PDE11A: variants seen among roughly 807,000 people sequenced by gnomAD.
The protein encoded by PDE11A is phosphodiesterase 11A, also known as dual 3',5'-cyclic-AMP and -GMP phosphodiesterase 11A.
A neutral mutation model predicts 100.5 loss-of-function variants in PDE11A; 100 were observed. The observed-to-expected ratio is 1.00, with a 90% confidence interval of 0.85 to 1.18. PDE11A has a LOEUF of 1.18. Ranked by LOEUF, PDE11A falls within the 50% of genes most tolerant of loss-of-function variation. PDE11A has a pLI of 0.00. For synonymous variants in PDE11A, 381 were observed against 420.8 expected (o/e 0.91, Z 1.16); for missense variants, 1,141 against 1,152.6 (o/e 0.99, Z 0.15).
chr2:177,793,644 C>T (rs773792412), intron 9 of PDE11A, among the ~76,000 whole-genome samples: 2 of 151,758 alleles, frequency 1.3e-5, no homozygotes, highest in Non-Finnish European at 2.9e-5. Flanking sequence ...AGCCATACAC[C>T]AGAGACCATC....
chr2:177,933,566 A>G (rs919826413), intron 2 of PDE11A, among the ~76,000 whole-genome samples: 1 of 152,148 alleles, frequency 6.6e-6, no homozygotes, highest in Non-Finnish European at 1.5e-5. Flanking sequence ...CTATAGTCTC[A>G]GCTACTCCAG....
chr2:178,067,992 T>G (rs1308797339), intron 1 of PDE11A, among the ~76,000 whole-genome samples: 1 of 152,176 alleles, frequency 6.6e-6, no homozygotes, highest in Non-Finnish European at 1.5e-5. Context: ...ACACCTGTAT[T>G]ATCATTATCA....
chr2:177,768,890 A>G (rs1482888241), intron 10 of PDE11A, among the ~76,000 whole-genome samples: 1 of 152,152 alleles, frequency 6.6e-6, no homozygotes. Flanking sequence ...TGCAGGTAAA[A>G]CGCTTGGTAG....
In PDE11A at chr2:178,071,669, A is replaced by G; in HGVS notation, c.769T>C (p.Phe257Leu). ...AAGKKTLVSK[F>L]FDVHAGTPLL... is the part of the protein sequence containing the mutation. ...GGTGTTCCTGCATGCACATCAAAGA[A>G]TTTGGAGACCAAGGTCTTCTTGCCA... Residue 257 changes from phenylalanine (F) to leucine (L), a missense_variant, in exon 1 of 20, where the codon TTC becomes CTC. Phe to Leu is a conservative substitution (Grantham distance 22, BLOSUM62 0). Coordinates refer to ENST00000286063, the MANE Select transcript of PDE11A (RefSeq NM_016953.4). 1.2e-6 allele frequency: 2 copies of G among 1,613,598 alleles called. No individual in the cohort carries two copies. The highest frequency in any genetic ancestry group is 1.7e-6 in the Non-Finnish European group (2 of 1,179,502).
At chr2:177,997,711 C>T (rs764885459) in intron 2 of PDE11A, 9 of 1,551,154 alleles carry the variant, frequency 5.8e-6, no homozygotes, top group Non-Finnish European at 6.2e-6. Flanking sequence ...AAGTTTTTGG[C>T]CCAACTGGTG....
chr2:177,939,410 G>GGGAAGGAAGAA (rs2085317193), intron 2 of PDE11A, among the ~76,000 whole-genome samples: 1 of 141,768 alleles, frequency 7.1e-6, no homozygotes, highest in Non-Finnish European at 1.5e-5. Context: ...GAGGGAAGGA[G>GGGAAGGAAGAA]GGAAGGAAGA....
intron 10 of PDE11A, among the ~76,000 whole-genome samples, chr2:177,757,841 G>T (rs528458975): frequency 6.6e-6 from 1 of 152,090 alleles, no homozygotes; most frequent in Non-Finnish European, 1.5e-5. Flanking sequence ...TTATAGAAAC[G>T]ATTCTAGAGT....
chr2:177,962,438 T>C (rs1378666108), intron 2 of PDE11A, among the ~76,000 whole-genome samples: 1 of 152,114 alleles, frequency 6.6e-6, no homozygotes, highest in African/African-American at 2.4e-5. Context: ...TGAATTTATA[T>C]AGTATACTAT....
At chr2:177,803,535 T>C (rs976964066) in intron 9 of PDE11A, among the ~76,000 whole-genome samples, 2 of 151,860 alleles carry the variant, frequency 1.3e-5, no homozygotes, top group African/African-American at 4.8e-5. Context: ...CTGATGAACA[T>C]AGACACAAAA....
At chr2:177,874,760 A>G (rs2084203086) in intron 5 of PDE11A, among the ~76,000 whole-genome samples, 1 of 152,204 alleles carries the variant, frequency 6.6e-6, no homozygotes, top group Non-Finnish European at 1.5e-5. Context: ...TACATCTAAA[A>G]TTTTACTTTT....
At chr2:178,007,757 T>C (rs539031679) in intron 2 of PDE11A, among the ~76,000 whole-genome samples, 1 of 152,224 alleles carries the variant, frequency 6.6e-6, no homozygotes, top group South Asian at 2.1e-4. Context: ...CCGGCTGGAG[T>C]GCAATGGCAA....
intron 9 of PDE11A, among the ~76,000 whole-genome samples, chr2:177,801,623 T>C (rs1013003116): frequency 6.6e-6 from 1 of 152,110 alleles, no homozygotes; most frequent in Admixed American, 6.6e-5. Flanking sequence ...TTTTAAACAA[T>C]GGTGCCAAAG....
At chr2:177,841,268 G>C (rs2083486358) in intron 5 of PDE11A, among the ~76,000 whole-genome samples, 1 of 152,096 alleles carries the variant, frequency 6.6e-6, no homozygotes, top group Non-Finnish European at 1.5e-5. Flanking sequence ...ATTGAGAACT[G>C]TTCAAATTAG....
At chr2:177,836,866 G>A (rs528344075) in intron 6 of PDE11A, among the ~76,000 whole-genome samples, 13 of 152,292 alleles carry the variant, frequency 8.5e-5, no homozygotes, top group African/African-American at 3.1e-4. Context: ...GCGAGACCAT[G>A]AACCCACCAG....
chr2:177,987,447 A>C (rs1427617879), intron 2 of PDE11A, among the ~76,000 whole-genome samples: 1 of 152,212 alleles, frequency 6.6e-6, no homozygotes, highest in Admixed American at 6.5e-5. Flanking sequence ...ACTTTGAACC[A>C]CATTTTTCTT....
chr2:177,729,051 AT>A (rs1260933153), intron 10 of PDE11A, among the ~76,000 whole-genome samples: 5 of 152,120 alleles, frequency 3.3e-5, no homozygotes, highest in African/African-American at 1.2e-4. Flanking sequence ...ATTCCTATCT[AT>A]TCACTGGGTT....
At chr2:177,871,277 T>C (rs1398144606) in intron 5 of PDE11A, among the ~76,000 whole-genome samples, 1 of 152,002 alleles carries the variant, frequency 6.6e-6, no homozygotes, top group African/African-American at 2.4e-5. Context: ...CTATGACACC[T>C]GGGGGAGAAA....
chr2:177,863,164 C>A (rs539517448), intron 5 of PDE11A, among the ~76,000 whole-genome samples: 6 of 151,816 alleles, frequency 4.0e-5, no homozygotes, highest in Non-Finnish European at 7.4e-5. Context: ...TTATCTTACA[C>A]CATACACAAA....
At chr2:178,063,531 G>T (rs184869932) in intron 1 of PDE11A, among the ~76,000 whole-genome samples, 1 of 152,106 alleles carries the variant, frequency 6.6e-6, no homozygotes, top group Non-Finnish European at 1.5e-5. Context: ...CCTTTACTAG[G>T]GTCTTCAGGG....
Sources: gnomAD v4.1 joint callset for allele counts (sites outside exome capture counted in the v4.1 genomes callset) on GRCh38, gnomAD v4.1.1 for gene constraint, MANE v1.5 for transcripts, NCBI Gene and HGNC (gene_info 2026-07-23, HGNC 2026-07-21) for gene names.